Variants in HS3ST3A1 observed in about 807,000 individuals in gnomAD.
HS3ST3A1 encodes the protein heparan sulfate-glucosamine 3-sulfotransferase 3A1.
Under a neutral mutation model 25.7 loss-of-function variants are expected in HS3ST3A1, and 19 were observed. The ratio of observed to expected loss-of-function variants is 0.74; its 90% confidence interval spans 0.52 to 1.08. HS3ST3A1 has a LOEUF of 1.08. Ranked by LOEUF, HS3ST3A1 falls within the 50% of genes least tolerant of loss-of-function variation. The pLI is 0.00. For synonymous variants in HS3ST3A1, 226 were observed against 278.6 expected, an observed-to-expected ratio of 0.81 and a Z score of 1.88; for missense variants, 459 against 594.3, an observed-to-expected ratio of 0.77 and a Z score of 2.37.
rs185391051 is a variant in HS3ST3A1 at position 13,520,454 on chromosome 17, C to A, written c.600-23636G>T. Among the ~76,000 whole-genome samples, 8 of 152,246 alleles carry A rather than the reference C, an allele frequency of 5.3e-5. No homozygotes were observed. The East Asian group carries it at 1.4e-3, about 26-fold the overall frequency. ...CCTGGTCAGAAGACAGGGTAACTTGCCAAATGTTACATCAACCGAATAGGA... is the reference window on the plus strand; with the variant it reads ...CCTGGTCAGAAGACAGGGTAACTTGACAAATGTTACATCAACCGAATAGGA... On this transcript the variant is annotated intron_variant, in intron 1 of 1. Coordinates refer to ENST00000284110, the MANE Select transcript of HS3ST3A1 (RefSeq NM_006042.3).
At chr17:13,532,567 G>A (rs538257846) in intron 1 of HS3ST3A1, among the ~76,000 whole-genome samples, 1 of 152,050 alleles carries the variant, frequency 6.6e-6, no homozygotes, top group Admixed American at 6.5e-5. Context: ...GGGCCCGAGG[G>A]GGGCCAGAAT....
intron 1 of HS3ST3A1, among the ~76,000 whole-genome samples, chr17:13,512,315 A>AAAACAAC (rs1314063940): frequency 6.6e-6 from 1 of 150,876 alleles, no homozygotes; most frequent in Non-Finnish European, 1.5e-5. Flanking sequence ...CAAAAAAAAA[A>AAAACAAC]AAAAAAAAAA....
rs144678351 is a variant in HS3ST3A1, at chr17:13,503,173, C to CAA, written c.600-6357_600-6356dup. 7.0e-4 allele frequency among the ~76,000 whole-genome samples: 61 copies of CAA among 86,804 alleles called. 1 individual carries two copies. The highest frequency in any genetic ancestry group is 1.2e-3 in the African/African-American group (29 of 23,798). The allele number at this position is 86,804 out of a possible 152,430, so 56.9% of individuals were successfully genotyped here. On this transcript the variant is annotated intron_variant, in intron 1 of 1. Coordinates refer to ENST00000284110, the MANE Select transcript of HS3ST3A1 (RefSeq NM_006042.3). The stretch of plus-strand genomic sequence containing the variant: ...CTAGCAAGAGAGCAAGACTCCATCT[C>CAA]AAAAAAAAAAAAAAAAAAGAAAAAA...
intron 1 of HS3ST3A1, among the ~76,000 whole-genome samples, chr17:13,572,279 A>G (rs182740129): frequency 2.6e-5 from 4 of 152,286 alleles, no homozygotes; most frequent in Admixed American, 6.5e-5. Flanking sequence ...ACTGAGTCCT[A>G]AAGAAGGGAA....
In HS3ST3A1 at chr17:13,560,439, T is replaced by C. The variant is rs145913329; in HGVS notation, c.599+40092A>G. Among the ~76,000 whole-genome samples, 12 of 152,060 alleles carry C rather than the reference T, an allele frequency of 7.9e-5. No individual in the cohort carries two copies. In the East Asian group the frequency reaches 1.2e-3, roughly 15 times the overall value. ...TGAACTGTAACAGAGTTAAACATCA[T>C]GACATCTCACCTCAAATACTTCCAC... On this transcript the variant is annotated intron_variant, in intron 1 of 1. Transcript: ENST00000284110.
intron 1 of HS3ST3A1, among the ~76,000 whole-genome samples, chr17:13,521,550 A>C (rs1011731833): frequency 6.6e-6 from 1 of 152,196 alleles, no homozygotes; most frequent in African/African-American, 2.4e-5. Flanking sequence ...ATCCGCTTTC[A>C]TGGACACTTA....
intron 1 of HS3ST3A1, among the ~76,000 whole-genome samples, chr17:13,573,144 C>T (rs1251087411): frequency 6.6e-6 from 1 of 152,172 alleles, no homozygotes; most frequent in African/African-American, 2.4e-5. Context: ...TAGCCTCCTT[C>T]CTGTCCACAT....
At chr17:13,557,298 T>G (rs1322186281) in intron 1 of HS3ST3A1, among the ~76,000 whole-genome samples, 3 of 152,146 alleles carry the variant, frequency 2.0e-5, no homozygotes, top group African/African-American at 7.2e-5. Context: ...CACTCTACTT[T>G]TTGAGCAAAT....
chr17:13,599,138 C>A (rs1184277113), intron 1 of HS3ST3A1, among the ~76,000 whole-genome samples: 1 of 152,052 alleles, frequency 6.6e-6, no homozygotes, highest in Non-Finnish European at 1.5e-5. Flanking sequence ...TAAGAACTTC[C>A]CAGAGGATAC....
chr17:13,496,252 G>A lies in HS3ST3A1; in HGVS notation c.1166C>T (p.Pro389Leu), dbSNP rs762934672. The change falls in exon 2 of 2, where the codon CCT (proline) becomes CTT (leucine). Residue 389 changes from proline to leucine, a missense_variant. Transcript: ENST00000284110. ...CATCTGGTAGAACTTGAGGTTGAAA[G>A]GCCGGTAGAACTCGCGCAGCCTGCG... is the stretch of plus-strand genomic sequence containing the variant. ...VVRRLREFYR[P>L]FNLKFYQMTG... 1 of 1,599,310 alleles carries A rather than the reference G, an allele frequency of 6.3e-7. No homozygotes were observed.
chr17:13,582,153 G>A (rs1052601249), intron 1 of HS3ST3A1, among the ~76,000 whole-genome samples: 9 of 151,822 alleles, frequency 5.9e-5, no homozygotes, highest in East Asian at 1.9e-4. Context: ...GAAACAACTC[G>A]TTTGGCAAAG....
At chr17:13,519,571 A>G (rs1418959532) in intron 1 of HS3ST3A1, among the ~76,000 whole-genome samples, 1 of 152,148 alleles carries the variant, frequency 6.6e-6, no homozygotes, top group East Asian at 1.9e-4. Context: ...GATGATGGTG[A>G]TGATAATTTG....
chr17:13,590,296 C>G (rs918261208), intron 1 of HS3ST3A1, among the ~76,000 whole-genome samples: 14 of 143,066 alleles, frequency 9.8e-5, no homozygotes, highest in African/African-American at 3.4e-4. Context: ...CAATTCAATT[C>G]AAGGCTTTAA....
intron 1 of HS3ST3A1, among the ~76,000 whole-genome samples, chr17:13,581,638 A>G (rs1908117790): frequency 6.6e-6 from 1 of 152,224 alleles, no homozygotes; most frequent in African/African-American, 2.4e-5. Context: ...GCAAGCAAGC[A>G]ATGGACTGAA....
intron 1 of HS3ST3A1, among the ~76,000 whole-genome samples, chr17:13,539,377 T>C (rs922663535): frequency 2.6e-5 from 4 of 152,260 alleles, no homozygotes; most frequent in Admixed American, 2.6e-4. Flanking sequence ...GGCATATCTA[T>C]GGAGACAGTC....
chr17:13,560,289 C>CA (rs10632927), intron 1 of HS3ST3A1, among the ~76,000 whole-genome samples: 1,908 of 17,326 alleles, frequency 0.11, 635 homozygotes, highest in Non-Finnish European at 0.13. Flanking sequence ...CACTCGTCTC[C>CA]AAAAAAAAAA....
chr17:13,542,139 C>T (rs957091253), intron 1 of HS3ST3A1, among the ~76,000 whole-genome samples: 1 of 151,994 alleles, frequency 6.6e-6, no homozygotes, highest in African/African-American at 2.4e-5. Context: ...ACCAGTCTGG[C>T]CAGCATGGCA....
intron 1 of HS3ST3A1, among the ~76,000 whole-genome samples, chr17:13,534,197 A>G (rs1215809114): frequency 6.6e-6 from 1 of 152,176 alleles, no homozygotes; most frequent in Non-Finnish European, 1.5e-5. Flanking sequence ...AATGGCGTTA[A>G]TGTCTAACTT....
chr17:13,561,814 C>T (rs3785696), intron 1 of HS3ST3A1, among the ~76,000 whole-genome samples: 2,251 of 152,158 alleles, frequency 0.015, 94 homozygotes, highest in East Asian at 0.13. Context: ...CTCACACAAG[C>T]GCAAAATGAC....
Sources: allele counts gnomAD v4.1 joint callset (sites outside exome capture counted in the v4.1 genomes callset), GRCh38; gene constraint gnomAD v4.1.1; transcripts MANE v1.5; gene names NCBI Gene and HGNC (gene_info 2026-07-23, HGNC 2026-07-21).